TENM2: variants seen among roughly 807,000 people sequenced by gnomAD.
The protein encoded by TENM2 is teneurin transmembrane protein 2, also known as teneurin-2.
Under a neutral mutation model 245.2 loss-of-function variants are expected in TENM2, and 52 were observed. That is an observed-to-expected ratio of 0.21 (90% CI 0.17 to 0.27). TENM2 has a LOEUF of 0.27. TENM2 is among the 10% of genes least tolerant of loss of function. TENM2 has a pLI of 1.00. For synonymous variants in TENM2, 1,363 were observed against 1,438.9 expected, an observed-to-expected ratio of 0.95 and a Z score of 1.19; for missense variants, 3,046 against 3,666.8, an observed-to-expected ratio of 0.83 and a Z score of 4.37.
At chr5:168,072,964 T>C (rs1209470650) in intron 7 of TENM2, among the ~76,000 whole-genome samples, 1 of 152,144 alleles carries the variant, frequency 6.6e-6, no homozygotes, top group Non-Finnish European at 1.5e-5. Flanking sequence ...CTCAGAGTCT[T>C]CCTCCTCAGT....
chr5:167,755,269 C>T, intron 2 of TENM2: 1 of 1,116,670 alleles, frequency 9.0e-7, no homozygotes, highest in Non-Finnish European at 1.3e-6. Context: ...GGAGTATTTA[C>T]TTTAACCCTT....
chr5:167,407,424 T>G lies in TENM2; in HGVS notation c.502+31951T>G, dbSNP rs138577992. 2.1e-3 allele frequency among the ~76,000 whole-genome samples: 315 copies of G among 152,288 alleles called. 2 individuals are homozygous for G. Among genetic ancestry groups the G allele is most frequent in the African/African-American group, 7.4e-3 (306 of 41,574 alleles). On this transcript the variant is annotated intron_variant, in intron 2 of 28. Transcript: ENST00000518659. The stretch of plus-strand genomic sequence containing the variant: ...AATTAGTACAGAATTTCCCAGATCT[T>G]GTAATTTTCCAAGTAAGTCCAGATA...
At position 167,611,945 on chromosome 5, in the gene TENM2, A is replaced by G. The variant is rs374133412; in HGVS notation, c.502+236472A>G. Among the ~76,000 whole-genome samples, 301 of 152,252 alleles carry G rather than the reference A, an allele frequency of 2.0e-3. 15 individuals are homozygous for G. The South Asian group carries it at 0.06, about 30-fold the overall frequency. ...AGACACATTCAGACCATAGCAAATG[A>G]TAACAAGTCACATTTTATATCATGT... is the stretch of plus-strand genomic sequence containing the variant. On this transcript the variant is annotated intron_variant, in intron 2 of 28. Transcript: ENST00000518659.
Position 167,842,580 on chromosome 5 carries a change from CAAAAAAAAAAAAAAAAAA to C in TENM2, c.503-33394_503-33377del, listed in dbSNP as rs1160974467. 8.8e-5 allele frequency among the ~76,000 whole-genome samples: 4 copies of C among 45,332 alleles called. No homozygotes were observed. The Admixed American group carries it at 1.1e-3, about 12-fold the overall frequency. 29.7% of individuals were successfully genotyped at this position (45,332 alleles called of 152,430 possible). A position where few individuals can be genotyped will look rare whatever the true frequency, so the allele number is the denominator to read the frequency against. Reference sequence around the variant, plus strand: ...CTGGGAAATGGACCAGACTCCATGTCAAAAAAAAAAAAAAAAAAAAAAAAAAAAAGAACCCTTTTATCC... The same window carrying C: ...CTGGGAAATGGACCAGACTCCATGTCAAAAAAAAAAAGAACCCTTTTATCC... On this transcript the variant is annotated intron_variant, in intron 2 of 28. Transcript: ENST00000518659.
chr5:167,906,395 G>A lies in TENM2; in HGVS notation c.712+30200G>A, dbSNP rs1187018650. Among the ~76,000 whole-genome samples the A allele has an allele frequency of 4.6e-5, 7 of 152,106 alleles. No individual in the cohort carries two copies. The South Asian group carries it at 6.2e-4, about 14-fold the overall frequency. On this transcript the variant is annotated intron_variant, in intron 3 of 28. Transcript: ENST00000518659. ...CCTGCTCTCCAGTGACTAGCAAGCC[G>A]CACCAGGGAGCTGACAATTAGCCCG...
At chr5:167,431,945 A>ATATACATATATG (rs1561950261) in intron 2 of TENM2, among the ~76,000 whole-genome samples, 1 of 93,994 alleles carries the variant, frequency 1.1e-5, no homozygotes, top group African/African-American at 4.0e-5. Flanking sequence ...ATATACATAT[A>ATATACATATATG]TATGTATATA....
the TENM2 span, among the ~76,000 whole-genome samples, chr5:167,200,368 T>C: frequency 1.3e-5 from 2 of 152,070 alleles, no homozygotes; most frequent in Admixed American, 6.6e-5. Context: ...AGCTCTTATT[T>C]GTGTCATCAT....
chr5:168,013,744 G>A (rs1049002576), intron 5 of TENM2, among the ~76,000 whole-genome samples: 2 of 152,218 alleles, frequency 1.3e-5, no homozygotes, highest in African/African-American at 4.8e-5. Context: ...TAGTTTGCAA[G>A]GGCTGCCATA....
At chr5:167,872,889 C>T (rs1773105477) in intron 2 of TENM2, among the ~76,000 whole-genome samples, 1 of 152,240 alleles carries the variant, frequency 6.6e-6, no homozygotes, top group Admixed American at 6.5e-5. Context: ...AATAATTTCA[C>T]AGCAACTATC....
chr5:167,428,854 C>A (rs1236946787), intron 2 of TENM2, among the ~76,000 whole-genome samples: 1 of 152,114 alleles, frequency 6.6e-6, no homozygotes, highest in African/African-American at 2.4e-5. Flanking sequence ...GTGGTCAGGG[C>A]CTTACACAAG....
chr5:167,957,441 T>C (rs113531346), intron 4 of TENM2, among the ~76,000 whole-genome samples: 208 of 152,296 alleles, frequency 1.4e-3, no homozygotes, highest in African/African-American at 4.6e-3. Flanking sequence ...GATTCATTAA[T>C]TTTTTGAAGG....
the TENM2 span, among the ~76,000 whole-genome samples, chr5:167,164,028 A>G: frequency 3.3e-5 from 5 of 152,268 alleles, no homozygotes; most frequent in African/African-American, 1.2e-4. Context: ...CGTGAGTGCA[A>G]TTGCATTAAG....
chr5:167,106,959 A>G, the TENM2 span, among the ~76,000 whole-genome samples: 3 of 151,976 alleles, frequency 2.0e-5, no homozygotes, highest in African/African-American at 7.3e-5. Context: ...AAAAGACAAT[A>G]AAGAGCCAGG....
At chr5:167,286,972 G>T (rs918080620) in intron 1 of TENM2, among the ~76,000 whole-genome samples, 1 of 152,196 alleles carries the variant, frequency 6.6e-6, no homozygotes, top group Non-Finnish European at 1.5e-5. Context: ...ATTCACACAT[G>T]CCGCATGTTG....
At chr5:168,086,850 G>A (rs924184773) in intron 7 of TENM2, among the ~76,000 whole-genome samples, 4 of 152,206 alleles carry the variant, frequency 2.6e-5, no homozygotes, top group African/African-American at 9.6e-5. Context: ...GGAAACTCTG[G>A]CCAGGGCCTG....
At chr5:167,820,793 G>C (rs1401646258) in intron 2 of TENM2, among the ~76,000 whole-genome samples, 13 of 152,100 alleles carry the variant, frequency 8.5e-5, no homozygotes, top group Non-Finnish European at 1.5e-5. Flanking sequence ...TGAGCTTTGC[G>C]GGACAACTAA....
At chr5:167,878,779 T>C (rs949140513) in intron 3 of TENM2, among the ~76,000 whole-genome samples, 8 of 152,188 alleles carry the variant, frequency 5.3e-5, no homozygotes, top group African/African-American at 1.9e-4. Flanking sequence ...TAAAAGGGGC[T>C]GAATTTTTCA....
intron 5 of TENM2, among the ~76,000 whole-genome samples, chr5:168,034,131 ATATGTATACATATATATG>A (rs1787426664): frequency 9.4e-6 from 1 of 106,878 alleles, no homozygotes; most frequent in Admixed American, 1.1e-4. Context: ...GTATATATAT[ATATGTATACATATATATG>A]TGTATATATA....
chr5:167,409,885 G>A (rs1762820329), intron 2 of TENM2, among the ~76,000 whole-genome samples: 1 of 151,848 alleles, frequency 6.6e-6, no homozygotes, highest in African/African-American at 2.4e-5. Context: ...TTCTTGTGAT[G>A]TTGAGAATCT....
Sources: allele counts gnomAD v4.1 joint callset (sites outside exome capture counted in the v4.1 genomes callset), GRCh38; gene constraint gnomAD v4.1.1; transcripts MANE v1.5; gene names NCBI Gene and HGNC (gene_info 2026-07-23, HGNC 2026-07-21).